COPRS: variants seen among roughly 807,000 people sequenced by gnomAD.
The protein encoded by COPRS is coordinator of PRMT5 and differentiation stimulator.
A neutral mutation model predicts 19.9 loss-of-function variants in COPRS; 11 were observed. That is an observed-to-expected ratio of 0.55 (90% confidence interval 0.35 to 0.92). The LOEUF (loss-of-function observed/expected upper bound fraction) is 0.92. Ranked by LOEUF, COPRS falls within the 40% of genes least tolerant of loss-of-function variation. The pLI, the probability that COPRS is intolerant of heterozygous loss-of-function variation, is 0.01. For missense variants in COPRS, 225 were observed against 229.9 expected (o/e 0.98, Z 0.14); for synonymous variants, 81 against 82.7 (o/e 0.98, Z 0.11).
chr17:31,852,724 G>T, intron 3 of COPRS, 88 bp downstream of exon 3: 1 of 884,944 alleles, frequency 1.1e-6, no homozygotes, highest in South Asian at 1.3e-5. Context: ...CATAGATGTG[G>T]ACCCCTGTTC....
intron 2 of COPRS, among the ~76,000 whole-genome samples, chr17:31,856,228 G>A (rs1172821724): frequency 2.0e-5 from 3 of 152,036 alleles, no homozygotes; most frequent in East Asian, 1.9e-4. Flanking sequence ...CCAGCTACTC[G>A]GGAGGCTGAG....
At chr17:31,856,305 A>C (rs1319659602) in intron 2 of COPRS, among the ~76,000 whole-genome samples, 1 of 152,196 alleles carries the variant, frequency 6.6e-6, no homozygotes, top group Non-Finnish European at 1.5e-5. Flanking sequence ...ACTGTACTCC[A>C]GCCTGGTGAC....
chr17:31,857,010 C>T (rs969784341), intron 1 of COPRS, 145 bp from the exon 2 acceptor site: 24 of 673,410 alleles, frequency 3.6e-5, no homozygotes, highest in Middle Eastern at 7.5e-4. Flanking sequence ...TTCTACTTTG[C>T]CCTGTTAAAC....
chr17:31,856,965 T>G, intron 1 of COPRS, 100 bp from the exon 2 acceptor site: 1 of 768,702 alleles, frequency 1.3e-6, no homozygotes, highest in Non-Finnish European at 2.3e-6. Context: ...CATACTCCCC[T>G]TGGTGATGCA....
rs768277578 is a variant in COPRS at position 31,856,911 on chromosome 17, A to G, written c.100-46T>C. On this transcript the variant is annotated intron_variant, in intron 1 of 3. Coordinates refer to ENST00000302362, the MANE Select transcript of COPRS (RefSeq NM_018405.4). Reference sequence around the variant, plus strand: ...TACCAAGGACTTGGGTATCTGGGGTATGCCCAGTATTCAGCTATTGCATCT... The same window carrying G: ...TACCAAGGACTTGGGTATCTGGGGTGTGCCCAGTATTCAGCTATTGCATCT... 5.0e-6 allele frequency: 6 copies of G among 1,191,856 alleles called. No individual in the cohort carries two copies. In the South Asian group the frequency reaches 7.3e-5, roughly 15 times the overall value. The allele number at this position is 1,191,856 out of a possible 1,614,324, so 73.8% of individuals were successfully genotyped here. A position where few individuals can be genotyped will look rare whatever the true frequency, so the allele number is the denominator to read the frequency against.
intron 1 of COPRS, 74 bp from the exon 2 acceptor site, chr17:31,856,939 AC>A (rs1366794613): frequency 1.1e-6 from 1 of 874,636 alleles, no homozygotes; most frequent in Non-Finnish European, 1.9e-6. Context: ...TTGCATCTCA[AC>A]CCCACCCACT....
At position 31,858,420 on chromosome 17, in the gene COPRS, T is replaced by C. The variant is rs1018443280; in HGVS notation, c.99+681A>G. On this transcript the variant is annotated intron_variant, in intron 1 of 3. Coordinates refer to ENST00000302362, the MANE Select transcript of COPRS (RefSeq NM_018405.4). ...GCATCATTCATCCAGTCGGTATGTC[T>C]ATCTCCTGTGCCAGGCACTATGCTA... 6.1e-6 allele frequency: 6 copies of C among 985,256 alleles called. No individual in the cohort carries two copies. The African/African-American group carries it at 8.7e-5, about 14-fold the overall frequency. The allele number at this position is 985,256 out of a possible 1,614,324, so 61.0% of individuals were successfully genotyped here. A position where few individuals can be genotyped will look rare whatever the true frequency, so the allele number is the denominator to read the frequency against.
chr17:31,858,878 G>GC lies in COPRS; in HGVS notation c.99+222dup, dbSNP rs2142278805. 4.6e-6 allele frequency: 7 copies of GC among 1,534,636 alleles called. No homozygotes were observed. The Middle Eastern group carries it at 1.1e-3, about 240-fold the overall frequency. ...ACAGCCGTCTCTGCTGACCCAGAGC[G>GC]CCCACCCACGCCCTCGGCTTTCCCC... On this transcript the variant is annotated intron_variant, in intron 1 of 3. Transcript: ENST00000302362.
chr17:31,856,442 T>G (rs894155211), intron 2 of COPRS: 1 of 268,546 alleles, frequency 3.7e-6, no homozygotes, highest in Non-Finnish European at 7.1e-6. Context: ...AATTTATAAG[T>G]TAAACCATAT....
At chr17:31,855,340 T>C (rs1909304983) in intron 2 of COPRS, among the ~76,000 whole-genome samples, 1 of 151,998 alleles carries the variant, frequency 6.6e-6, no homozygotes, top group East Asian at 1.9e-4. Context: ...ATCCTATCTC[T>C]ACTAAAAACA....
Position 31,858,291 on chromosome 17 carries a change from C to A in COPRS, c.99+810G>T, listed in dbSNP as rs895275168. The A allele has an allele frequency of 3.5e-6, 3 of 847,002 alleles. No homozygotes were observed. In the African/African-American group the frequency reaches 5.5e-5, roughly 16 times the overall value. 52.5% of individuals were successfully genotyped at this position (847,002 alleles called of 1,614,324 possible). A position where few individuals can be genotyped will look rare whatever the true frequency, so the allele number is the denominator to read the frequency against. ...CTCACCTTGATCCTTTCCTGCTATG[C>A]CCTGACAAAATTAGTCCCATTCTAT... On this transcript the variant is annotated intron_variant, in intron 1 of 3. Transcript: ENST00000302362.
At chr17:31,859,046 C>A (rs1322479621) in intron 1 of COPRS, 55 bp downstream of exon 1, 1 of 1,162,080 alleles carries the variant, frequency 8.6e-7, no homozygotes, top group Non-Finnish European at 1.1e-6. Flanking sequence ...GGCCCCGCGA[C>A]TTCCCGCCCC....
intron 1 of COPRS, among the ~76,000 whole-genome samples, chr17:31,857,350 T>G (rs1289793421): frequency 6.6e-6 from 1 of 152,226 alleles, no homozygotes; most frequent in Non-Finnish European, 1.5e-5. Flanking sequence ...AGCCATAGGT[T>G]GGTAGCTGTT....
intron 2 of COPRS, 91 bp downstream of exon 2, chr17:31,856,708 C>A (rs1909366029): frequency 2.3e-6 from 2 of 854,834 alleles, no homozygotes; most frequent in Non-Finnish European, 4.1e-6. Context: ...GCAGAGAGGA[C>A]TGGCTAAAAG....
At chr17:31,852,697 A>G in intron 3 of COPRS, 115 bp downstream of exon 3, 1 of 798,528 alleles carries the variant, frequency 1.3e-6, no homozygotes, top group Admixed American at 2.1e-5. Flanking sequence ...GACCTGTAAC[A>G]GATACCAGCC....
At chr17:31,858,499 T>C (rs1457934483) in intron 1 of COPRS, 1 of 676,808 alleles carries the variant, frequency 1.5e-6, no homozygotes, top group South Asian at 6.7e-5. Context: ...GCTCAGCACC[T>C]AGCCGGTACA....
chr17:31,858,206 A>G (rs933249403), intron 1 of COPRS, among the ~76,000 whole-genome samples: 1 of 151,816 alleles, frequency 6.6e-6, no homozygotes, highest in Non-Finnish European at 1.5e-5. Flanking sequence ...CTGAGACCCA[A>G]CTCCAGGCCA....
Position 31,858,450 on chromosome 17 carries a change from G to A in COPRS, c.99+651C>T, listed in dbSNP as rs1030022052. ...CCTGTGCCAGGCACTATGCTAGGCT[G>A]TGCAAACAGCCCTAACAGAGGGTTC... On this transcript the variant is annotated intron_variant, in intron 1 of 3. Coordinates refer to ENST00000302362, the MANE Select transcript of COPRS (RefSeq NM_018405.4). The A allele has an allele frequency of 8.2e-6, 8 of 975,184 alleles. No homozygotes were observed. In the African/African-American group the frequency reaches 1.4e-4, roughly 17 times the overall value. 60.4% of individuals were successfully genotyped at this position (975,184 alleles called of 1,614,324 possible).
chr17:31,857,362 C>T lies in COPRS; in HGVS notation c.100-497G>A, dbSNP rs115534576. Reference sequence around the variant, plus strand: ...TTCAGCCATAGGTTGGTAGCTGTTCCCTGCGGTTGCCACCCCCAGGTACAC... The same window carrying T: ...TTCAGCCATAGGTTGGTAGCTGTTCTCTGCGGTTGCCACCCCCAGGTACAC... On this transcript the variant is annotated intron_variant, in intron 1 of 3. Transcript: ENST00000302362. 5.7e-3 allele frequency among the ~76,000 whole-genome samples: 875 copies of T among 152,266 alleles called. 10 individuals are homozygous for T. The highest frequency in any genetic ancestry group is 0.02 in the African/African-American group (820 of 41,540).
Sources: allele counts gnomAD v4.1 joint callset (sites outside exome capture counted in the v4.1 genomes callset), GRCh38; gene constraint gnomAD v4.1.1; transcripts MANE v1.5; gene names NCBI Gene and HGNC (gene_info 2026-07-23, HGNC 2026-07-21).